RYR2: variants seen among roughly 807,000 people sequenced by gnomAD.
The protein encoded by RYR2 is cardiac muscle ryanodine receptor-calcium release channel.
In RYR2, 227 loss-of-function variants were observed where a neutral mutation model predicts 601.1. The observed-to-expected ratio is 0.38, with a 90% CI of 0.34 to 0.42. RYR2 has a LOEUF of 0.42. Among genes scored for constraint, RYR2 ranks in the 10% least tolerant of loss-of-function variants. RYR2 has a pLI of 1.00. For missense variants in RYR2, 4,646 were observed against 6,156.5 expected, an observed-to-expected ratio of 0.75 and a Z score of 8.21; for synonymous variants, 2,223 against 2,175.1, an observed-to-expected ratio of 1.02 and a Z score of -0.61.
rs56679247 is a variant in RYR2, at chr1:237,366,674, TCACACA to T, written c.309+2332_309+2337del. On this transcript the variant is annotated intron_variant, in intron 5 of 104. Transcript: ENST00000366574. ...TTAATGTGTGTGTAAACCTCTTTAGTCACACACACACACACACACACACACACACAC... is the reference window on the plus strand; with the variant it reads ...TTAATGTGTGTGTAAACCTCTTTAGTCACACACACACACACACACACACAC... 8.5e-3 allele frequency among the ~76,000 whole-genome samples: 1,238 copies of T among 144,842 alleles called. 12 individuals carry two copies. Among genetic ancestry groups the T allele is most frequent in the Middle Eastern group, 0.025 (7 of 282 alleles).
chr1:237,130,859 T>A (rs765146693), intron 1 of RYR2, among the ~76,000 whole-genome samples: 6 of 152,052 alleles, frequency 3.9e-5, no homozygotes, highest in Non-Finnish European at 5.9e-5. Context: ...AGATACAGGG[T>A]CTTATAGAAA....
chr1:237,426,294 A>G (rs1706147157), intron 12 of RYR2, among the ~76,000 whole-genome samples: 1 of 152,150 alleles, frequency 6.6e-6, no homozygotes, highest in Admixed American at 6.5e-5. Context: ...ATAGAGAGGC[A>G]CAGCTGGTAA....
chr1:237,603,755 A>T (rs896275647), intron 35 of RYR2, among the ~76,000 whole-genome samples: 1 of 152,206 alleles, frequency 6.6e-6, no homozygotes, highest in Non-Finnish European at 1.5e-5. Flanking sequence ...TGGAAAACAA[A>T]GGCAGGGATT....
At chr1:237,302,445 G>T (rs1693453846) in intron 2 of RYR2, among the ~76,000 whole-genome samples, 1 of 152,194 alleles carries the variant, frequency 6.6e-6, no homozygotes, top group Non-Finnish European at 1.5e-5. Context: ...ATAAGAGATT[G>T]TGAGAGAGTC....
chr1:237,189,209 G>A lies in RYR2; in HGVS notation c.49-81288G>A, dbSNP rs146542034. Among the ~76,000 whole-genome samples the A allele has an allele frequency of 3.4e-3, 514 of 152,210 alleles. 5 individuals carry two copies. Among genetic ancestry groups the A allele is most frequent in the African/African-American group, 0.012 (488 of 41,512 alleles). Reference sequence around the variant, plus strand: ...ATTCCTGAGCTTCATCTATGGTGTGGCATGCCATAGAATTTCCTTCTTTTA... The same window carrying A: ...ATTCCTGAGCTTCATCTATGGTGTGACATGCCATAGAATTTCCTTCTTTTA... On this transcript the variant is annotated intron_variant, in intron 1 of 104. Coordinates refer to ENST00000366574, the MANE Select transcript of RYR2 (RefSeq NM_001035.3).
chr1:237,110,839 T>A (rs1669390308), intron 1 of RYR2, among the ~76,000 whole-genome samples: 1 of 152,236 alleles, frequency 6.6e-6, no homozygotes, highest in Non-Finnish European at 1.5e-5. Flanking sequence ...AACTAACATT[T>A]GCATATTTCT....
intron 12 of RYR2, among the ~76,000 whole-genome samples, chr1:237,426,372 C>T (rs527538397): frequency 6.6e-6 from 1 of 152,292 alleles, no homozygotes; most frequent in East Asian, 1.9e-4. Context: ...AGGGCCTCTA[C>T]AGTGGGCCAG....
chr1:237,790,543 C>A (rs1319867039), intron 92 of RYR2, among the ~76,000 whole-genome samples: 1 of 152,084 alleles, frequency 6.6e-6, no homozygotes, highest in Non-Finnish European at 1.5e-5. Flanking sequence ...CTAATAGCTT[C>A]CCATCCCACC....
intron 1 of RYR2, among the ~76,000 whole-genome samples, chr1:237,108,997 T>C (rs896231276): frequency 5.9e-5 from 9 of 152,206 alleles, no homozygotes; most frequent in Non-Finnish European, 1.2e-4. Context: ...ATGGGTTTAA[T>C]TTTGAAGTCA....
intron 10 of RYR2, among the ~76,000 whole-genome samples, chr1:237,397,765 A>T (rs1452051334): frequency 2.7e-5 from 4 of 146,466 alleles, no homozygotes; most frequent in Non-Finnish European, 5.9e-5. Flanking sequence ...TCTGTCACCC[A>T]GGCTGGAGTG....
chr1:237,241,733 G>C (rs1247225184), intron 1 of RYR2, among the ~76,000 whole-genome samples: 2 of 152,168 alleles, frequency 1.3e-5, no homozygotes, highest in Non-Finnish European at 2.9e-5. Context: ...AAGGGAGTGA[G>C]GAATTTCCAG....
intron 56 of RYR2, 128 bp downstream of exon 56, chr1:237,661,075 G>A (rs1482643448): frequency 6.7e-6 from 6 of 901,222 alleles, no homozygotes; most frequent in Admixed American, 4.2e-5. Context: ...TTAGAAGGGA[G>A]AGAAAAAAGC....
intron 1 of RYR2, among the ~76,000 whole-genome samples, chr1:237,128,564 C>G (rs1010813187): frequency 6.6e-6 from 1 of 152,092 alleles, no homozygotes; most frequent in Non-Finnish European, 1.5e-5. Flanking sequence ...TGTGTAGGAC[C>G]TCTTTGAGCA....
chr1:237,763,732 A>T (rs933899628), intron 84 of RYR2, among the ~76,000 whole-genome samples: 1 of 152,206 alleles, frequency 6.6e-6, no homozygotes, highest in Non-Finnish European at 1.5e-5. Context: ...CAAGAGACCT[A>T]TTAGGAGCAT....
chr1:237,414,119 C>A (rs968470174), intron 10 of RYR2, among the ~76,000 whole-genome samples: 12 of 152,062 alleles, frequency 7.9e-5, no homozygotes, highest in Admixed American at 3.9e-4. Flanking sequence ...AAGTAAAAGA[C>A]CCTTATTAAA....
intron 1 of RYR2, among the ~76,000 whole-genome samples, chr1:237,228,007 CAT>C (rs1684585009): frequency 6.6e-6 from 1 of 151,218 alleles, no homozygotes; most frequent in Non-Finnish European, 1.5e-5. Flanking sequence ...TTTTGGGGAA[CAT>C]GTGGTATTTG....
At chr1:237,309,164 C>T (rs1386118926) in intron 2 of RYR2, among the ~76,000 whole-genome samples, 1 of 144,454 alleles carries the variant, frequency 6.9e-6, no homozygotes, top group African/African-American at 2.6e-5. Flanking sequence ...AGACACAGAG[C>T]ACTGATTGGT....
chr1:237,377,279 TTAAG>T, intron 7 of RYR2, 40 bp from the exon 8 acceptor site: 1 of 1,434,580 alleles, frequency 7.0e-7, no homozygotes, highest in African/African-American at 1.4e-5. Flanking sequence ...TAGATTTTAA[TTAAG>T]AGGAACTTTT....
At chr1:237,368,799 G>GTTTATTTA (rs202090317) in intron 5 of RYR2, among the ~76,000 whole-genome samples, 5,193 of 129,146 alleles carry the variant, frequency 0.04, 127 homozygotes, top group African/African-American at 0.051. Flanking sequence ...TTGAATCAAC[G>GTTTATTTA]TTTATTTATT....
Sources: gnomAD v4.1 joint callset for allele counts (sites outside exome capture counted in the v4.1 genomes callset) on GRCh38, gnomAD v4.1.1 for gene constraint, MANE v1.5 for transcripts, NCBI Gene and HGNC (gene_info 2026-07-23, HGNC 2026-07-21) for gene names.